Variants in ZNF208 observed in about 807,000 individuals in gnomAD.
ZNF208 encodes the protein zinc finger protein 208, also known as zinc finger protein 95.
ZNF208 carries 10 observed loss-of-function variants against 12.1 expected under a neutral mutation model. The ratio of observed to expected loss-of-function variants is 0.83; its 90% CI spans 0.51 to 1.40. The LOEUF is 1.40. Among genes scored for constraint, ZNF208 ranks in the 40% most tolerant of loss-of-function variants. ZNF208 has a pLI of 0.00. For synonymous variants in ZNF208, 497 were observed against 488.4 expected (o/e 1.02, Z -0.23); for missense variants, 1,652 against 1,485.0 (o/e 1.11, Z -1.85).
At position 21,966,394 on chromosome 19, in the gene ZNF208, G is replaced by A. The variant is rs1970167424; in HGVS notation, c.*4797C>T. On this transcript the variant is annotated 3_prime_UTR_variant, in exon 4 of 4. Coordinates refer to ENST00000397126, the MANE Select transcript of ZNF208 (RefSeq NM_007153.3). ...CTGATGCAATAATTTGCTTAGAATG[G>A]CCTGAAGCAGAGCTGCATTCATGTT... The A allele has an allele frequency of 6.6e-6, 1 of 152,088 alleles. No individual in the cohort carries two copies. The highest frequency in any genetic ancestry group is 1.5e-5 in the Non-Finnish European group (1 of 67,994). The allele number at this position is 152,088 out of a possible 1,614,324, so 9.4% of individuals were successfully genotyped here. A position where few individuals can be genotyped will look rare whatever the true frequency, so the allele number is the denominator to read the frequency against.
chr19:21,972,042 C>T lies in ZNF208; in HGVS notation c.2992G>A (p.Glu998Lys), dbSNP rs771285968. ...CATTCTTCACATTTGTAGGGTTTCT[C>T]TCCAGTATGAATTACCTTATGTTTA... The part of the protein sequence containing the change: ...LTKHKVIHTG[E>K]KPYKCEECGK... Residue 998 changes from glutamate (E) to lysine (K), a missense_variant, in exon 4 of 4, where the codon GAG becomes AAG. Around this residue, in one of 3 missense-constraint regions of ZNF208, gnomAD observed 1,239 missense variants for 1,086.2 expected, o/e 1.14. Transcript: ENST00000397126. 1.2e-6 allele frequency: 2 copies of T among 1,613,716 alleles called. No homozygotes were observed. The highest frequency in any genetic ancestry group is 1.7e-6 in the Non-Finnish European group (2 of 1,179,936).
chr19:21,966,406 G>A lies in ZNF208; in HGVS notation c.*4785C>T, dbSNP rs1352604891. On this transcript the variant is annotated 3_prime_UTR_variant, in exon 4 of 4. Transcript: ENST00000397126. ...TTTGCTTAGAATGGCCTGAAGCAGA[G>A]CTGCATTCATGTTGCTGCAAAAGAC... is the stretch of plus-strand genomic sequence containing the variant. The A allele has an allele frequency of 2.0e-5, 3 of 152,120 alleles. No homozygotes were observed. Among genetic ancestry groups the A allele is most frequent in the Non-Finnish European group, 4.4e-5 (3 of 67,992 alleles). The allele number at this position is 152,120 out of a possible 1,614,324, so 9.4% of individuals were successfully genotyped here. A position where few individuals can be genotyped will look rare whatever the true frequency, so the allele number is the denominator to read the frequency against.
chr19:21,952,452 A>AG (rs1969904817), intron 4 of ZNF208, among the ~76,000 whole-genome samples: 1 of 152,180 alleles, frequency 6.6e-6, no homozygotes, highest in South Asian at 2.1e-4. Flanking sequence ...AACCTTCCAG[A>AG]GGAAGGATCA....
At chr19:21,948,913 T>C (rs539237069) in intron 4 of ZNF208, among the ~76,000 whole-genome samples, 96 of 152,286 alleles carry the variant, frequency 6.3e-4, no homozygotes, top group African/African-American at 2.2e-3. Flanking sequence ...CCCTTAAATA[T>C]TCTAATTGGA....
chr19:22,000,481 G>C (rs1970925216), intron 1 of ZNF208, among the ~76,000 whole-genome samples: 1 of 152,070 alleles, frequency 6.6e-6, no homozygotes, highest in Non-Finnish European at 1.5e-5. Flanking sequence ...ATGAAATTAA[G>C]GCAGAAACCA....
At chr19:22,006,024 T>G (rs1971038541) in intron 1 of ZNF208, among the ~76,000 whole-genome samples, 1 of 152,138 alleles carries the variant, frequency 6.6e-6, no homozygotes, top group Non-Finnish European at 1.5e-5. Flanking sequence ...TTGCCTTCAG[T>G]GGTCAACATA....
intron 4 of ZNF208, among the ~76,000 whole-genome samples, chr19:21,947,162 T>C (rs761284242): frequency 4.9e-4 from 74 of 152,174 alleles, no homozygotes; most frequent in Admixed American, 8.5e-4. Context: ...TATCTCTAAA[T>C]TTTTACTCAG....
At chr19:21,944,660 T>C (rs1969789461) in intron 4 of ZNF208, among the ~76,000 whole-genome samples, 1 of 152,136 alleles carries the variant, frequency 6.6e-6, no homozygotes, top group Admixed American at 6.5e-5. Flanking sequence ...GAAGCTCCAA[T>C]GATGTAAAGT....
rs1031868135 is a variant in ZNF208 at position 21,970,419 on chromosome 19, C to T, written c.*772G>A. ...GATTGAGGAATAGCTAAAAGGCTTG[C>T]CACATTCTTCAGATTTGTAGGGTTT... On this transcript the variant is annotated 3_prime_UTR_variant, in exon 4 of 4. Coordinates refer to ENST00000397126, the MANE Select transcript of ZNF208 (RefSeq NM_007153.3). Among the ~76,000 whole-genome samples, 3 of 152,210 alleles carry T rather than the reference C, an allele frequency of 2.0e-5. No individual in the cohort carries two copies. The highest frequency in any genetic ancestry group is 2.4e-5 in the African/African-American group (1 of 41,462).
intron 3 of ZNF208, among the ~76,000 whole-genome samples, chr19:21,986,302 C>T (rs1476966439): frequency 6.6e-6 from 1 of 151,764 alleles, no homozygotes; most frequent in East Asian, 1.9e-4. Context: ...CTTTTCAAAC[C>T]AATAAATACA....
intron 3 of ZNF208, among the ~76,000 whole-genome samples, chr19:21,985,314 C>T (rs1970614715): frequency 1.3e-5 from 2 of 152,184 alleles, no homozygotes; most frequent in African/African-American, 4.8e-5. Context: ...TCATGGTTAA[C>T]ATCTGTAATG....
At position 21,956,718 on chromosome 19, in the gene ZNF208, T is replaced by C. The variant is rs528965727; in HGVS notation, c.305+18011A>G. Among the ~76,000 whole-genome samples, 21 of 152,302 alleles carry C rather than the reference T, an allele frequency of 1.4e-4. No individual in the cohort carries two copies. The South Asian group carries it at 3.7e-3, about 27-fold the overall frequency. On this transcript the variant is annotated intron_variant, in intron 4 of 4. Coordinates refer to the ZNF208 transcript ENST00000599916. ...AATGTTAGGGTGGGAGTGTCCCGAT[T>C]TTCCAGGTACAGTCTGTCACAGCTT...
At chr19:21,985,297 C>T (rs1430046585) in intron 3 of ZNF208, among the ~76,000 whole-genome samples, 2 of 152,078 alleles carry the variant, frequency 1.3e-5, no homozygotes, top group African/African-American at 4.8e-5. Flanking sequence ...AATGAGGGAA[C>T]CAGGCATCAT....
Position 21,972,042 on chromosome 19 carries a change from C to G in ZNF208, c.2992G>C (p.Glu998Gln). 6.2e-7 allele frequency: 1 copy of G among 1,613,832 alleles called. No homozygotes were observed. Among genetic ancestry groups the G allele is most frequent in the South Asian group, 1.1e-5 (1 of 91,034 alleles). Residue 998 changes from glutamate to glutamine, a missense_variant, in exon 4 of 4, where the codon GAG (glutamate) becomes CAG (glutamine). This residue lies in a region of ZNF208 where 1,239 missense variants were observed against 1,086.2 expected (regional missense o/e 1.14). Coordinates refer to ENST00000397126, the MANE Select transcript of ZNF208 (RefSeq NM_007153.3). ...LTKHKVIHTG[E>Q]KPYKCEECGK... The stretch of plus-strand genomic sequence containing the variant: ...CATTCTTCACATTTGTAGGGTTTCT[C>G]TCCAGTATGAATTACCTTATGTTTA...
At position 21,967,390 on chromosome 19, in the gene ZNF208, T is replaced by C. The variant is rs529840887; in HGVS notation, c.*3801A>G. 7 of 152,262 alleles carry C rather than the reference T, an allele frequency of 4.6e-5. No homozygotes were observed. The highest frequency in any genetic ancestry group is 7.2e-5 in the African/African-American group (3 of 41,554). The allele number at this position is 152,262 out of a possible 1,614,324, so 9.4% of individuals were successfully genotyped here. ...TTAATTCAGTACTCTCTCTTCCATTTCATTGGTCTAGATGTTTATTTTTGT... is the reference window on the plus strand; with the variant it reads ...TTAATTCAGTACTCTCTCTTCCATTCCATTGGTCTAGATGTTTATTTTTGT... On this transcript the variant is annotated 3_prime_UTR_variant, in exon 4 of 4. Transcript: ENST00000397126.
rs748755877 is a variant in ZNF208 at position 21,972,241 on chromosome 19, G to C, written c.2793C>G (p.Val931=). The C allele has an allele frequency of 1.3e-5, 21 of 1,613,166 alleles. No homozygotes were observed. Among genetic ancestry groups the C allele is most frequent in the East Asian group, 2.2e-5 (1 of 44,780 alleles). The change falls in exon 4 of 4, where the codon GTC becomes GTG. Residue 931 remains valine, a synonymous_variant. Transcript: ENST00000397126. ...CATGAGTTTTCTTATGTTTACTAAAGACTGACAACCAGCTGAAGGCTTTGC... is the reference window on the plus strand; with the variant it reads ...CATGAGTTTTCTTATGTTTACTAAACACTGACAACCAGCTGAAGGCTTTGC... ...ECGKAFSWLS[V]FSKHKKTHAG...
intron 4 of ZNF208, among the ~76,000 whole-genome samples, chr19:21,946,943 C>T (rs925250829): frequency 6.7e-6 from 1 of 148,622 alleles, no homozygotes; most frequent in Non-Finnish European, 1.5e-5. Flanking sequence ...AACTTCCAGT[C>T]TTTTTTTTTT....
intron 4 of ZNF208, among the ~76,000 whole-genome samples, chr19:21,941,899 G>C (rs983943221): frequency 6.6e-6 from 1 of 151,462 alleles, no homozygotes. Flanking sequence ...TAAAGACAAC[G>C]TAAAAAAAAA....
rs1307709302 is a variant in ZNF208, at chr19:21,959,984, A to G, written c.305+14745T>C. Among the ~76,000 whole-genome samples the G allele has an allele frequency of 2.0e-4, 30 of 152,190 alleles. 1 individual carries two copies. The highest frequency in any genetic ancestry group is 6.5e-4 in the Admixed American group (10 of 15,274). ...TTTATGAATAATTTAAATAAAATAG[A>G]GTAAAATACACATTAAAAATAGCTT... On this transcript the variant is annotated intron_variant, in intron 4 of 4. Transcript: ENST00000599916.
Sources: gnomAD v4.1 joint callset for allele counts (sites outside exome capture counted in the v4.1 genomes callset) on GRCh38, gnomAD v4.1.1 for gene constraint, gnomAD v4.1.1 regional missense constraint, MANE v1.5 for transcripts, NCBI Gene and HGNC (gene_info 2026-07-23, HGNC 2026-07-21) for gene names.